STX8: variants seen among roughly 807,000 people sequenced by gnomAD.
The protein encoded by STX8 is syntaxin-8.
In STX8, 23 loss-of-function variants were observed where a neutral mutation model predicts 37.5. The observed-to-expected ratio is 0.61, with a 90% CI of 0.44 to 0.87. The LOEUF is 0.87. STX8 is among the 40% of genes least tolerant of loss of function. The pLI, the probability that STX8 is intolerant of heterozygous loss-of-function variation, is 0.00. For missense variants in STX8, 313 were observed against 284.7 expected (o/e 1.10, Z -0.71); for synonymous variants, 115 against 99.1 (o/e 1.16, Z -0.95).
chr17:9,416,983 C>T (rs561486840), intron 6 of STX8, among the ~76,000 whole-genome samples: 1 of 152,172 alleles, frequency 6.6e-6, no homozygotes, highest in Non-Finnish European at 1.5e-5. Context: ...ACCTGTGACT[C>T]ATGACTCAGC....
intron 7 of STX8, among the ~76,000 whole-genome samples, chr17:9,294,525 G>A (rs539440421): frequency 7.9e-5 from 12 of 152,322 alleles, no homozygotes; most frequent in African/African-American, 2.9e-4. Flanking sequence ...ACACTCTTTA[G>A]AGCAGACAAC....
intron 1 of STX8, chr17:9,569,860 T>C (rs1175454008): frequency 6.6e-6 from 1 of 152,028 alleles, no homozygotes; most frequent in African/African-American, 2.4e-5. Flanking sequence ...GGCAGGAGAA[T>C]CGCTTGAACC....
At chr17:9,504,895 A>C (rs1597713729) in intron 5 of STX8, 143 bp downstream of exon 5, 15 of 715,036 alleles carry the variant, frequency 2.1e-5, no homozygotes, top group Non-Finnish European at 2.7e-5. Context: ...AATCGTTTGA[A>C]CCCGGGAGGT....
chr17:9,457,323 C>T (rs1176831281), intron 6 of STX8, among the ~76,000 whole-genome samples: 1 of 152,208 alleles, frequency 6.6e-6, no homozygotes, highest in African/African-American at 2.4e-5. Flanking sequence ...CATTTCCTTG[C>T]CTTTCCAGCT....
chr17:9,343,795 C>T (rs1039556272), intron 7 of STX8, among the ~76,000 whole-genome samples: 3 of 152,162 alleles, frequency 2.0e-5, no homozygotes, highest in African/African-American at 7.2e-5. Flanking sequence ...TAGGGCCTCC[C>T]TTCTGCTGCG....
intron 6 of STX8, among the ~76,000 whole-genome samples, chr17:9,427,537 C>T (rs1433048200): frequency 2.6e-5 from 4 of 152,184 alleles, no homozygotes; most frequent in Non-Finnish European, 4.4e-5. Flanking sequence ...CTAAATCCCT[C>T]TGTAACTCTG....
intron 3 of STX8, chr17:9,553,633 G>A (rs184185369): frequency 6.6e-6 from 1 of 152,274 alleles, no homozygotes; most frequent in East Asian, 1.9e-4. Flanking sequence ...GGTGATTTAT[G>A]AACAAACATT....
intron 7 of STX8, among the ~76,000 whole-genome samples, chr17:9,298,161 CT>C (rs1908634257): frequency 7.1e-5 from 2 of 28,244 alleles, no homozygotes; most frequent in Non-Finnish European, 1.4e-4. Flanking sequence ...GGAAAGCACA[CT>C]CTGTTTCTGA....
chr17:9,401,054 T>A (rs1220978862), intron 6 of STX8, among the ~76,000 whole-genome samples: 1 of 152,232 alleles, frequency 6.6e-6, no homozygotes, highest in Non-Finnish European at 1.5e-5. Flanking sequence ...TATGTCAGCC[T>A]GAGAAACTTC....
At position 9,434,681 on chromosome 17, in the gene STX8, A is replaced by G. The variant is rs572318954; in HGVS notation, c.542-56028T>C. Among the ~76,000 whole-genome samples, 5 of 152,370 alleles carry G rather than the reference A, an allele frequency of 3.3e-5. No individual in the cohort carries two copies. In the East Asian group the frequency reaches 9.6e-4, roughly 29 times the overall value. ...TCACCCAGGAAAGAATTCAAGGGTG[A>G]GCCAGAGGTGAGCGGCAGTGTGCAG... On this transcript the variant is annotated intron_variant, in intron 6 of 7. Coordinates refer to ENST00000306357, the MANE Select transcript of STX8 (RefSeq NM_004853.3).
chr17:9,293,933 T>C (rs1001205936), intron 7 of STX8, among the ~76,000 whole-genome samples: 1 of 151,624 alleles, frequency 6.6e-6, no homozygotes, highest in Admixed American at 6.6e-5. Context: ...GGCTAATTTT[T>C]TTTTTGTATT....
At chr17:9,293,207 T>A (rs1291424208) in intron 7 of STX8, among the ~76,000 whole-genome samples, 1 of 152,186 alleles carries the variant, frequency 6.6e-6, no homozygotes, top group Non-Finnish European at 1.5e-5. Flanking sequence ...ATGCTATAAT[T>A]CATTTCACCC....
intron 6 of STX8, among the ~76,000 whole-genome samples, chr17:9,396,106 GAAAAGA>G (rs891924375): frequency 4.3e-5 from 6 of 138,340 alleles, no homozygotes; most frequent in South Asian, 2.3e-4. Context: ...AGAAAAGAAA[GAAAAGA>G]AAAGTAACAT....
chr17:9,355,500 A>ATT (rs35363770), intron 7 of STX8, among the ~76,000 whole-genome samples: 26 of 124,420 alleles, frequency 2.1e-4, no homozygotes, highest in Middle Eastern at 4.5e-3. Context: ...ACACCTAGCA[A>ATT]TTTTTTTTTT....
intron 5 of STX8, among the ~76,000 whole-genome samples, chr17:9,501,117 T>C (rs1904594445): frequency 6.6e-6 from 1 of 152,146 alleles, no homozygotes; most frequent in African/African-American, 2.4e-5. Context: ...TGAGACTCAA[T>C]AGTGTTAAAA....
intron 6 of STX8, among the ~76,000 whole-genome samples, chr17:9,450,087 C>T (rs1904986625): frequency 6.6e-6 from 1 of 151,278 alleles, no homozygotes; most frequent in Admixed American, 6.6e-5. Context: ...CTACATGTAA[C>T]TTTTTTTTTG....
chr17:9,543,862 C>T (rs748453688), intron 4 of STX8, among the ~76,000 whole-genome samples: 1 of 152,228 alleles, frequency 6.6e-6, no homozygotes, highest in African/African-American at 2.4e-5. Flanking sequence ...CTTAACATTT[C>T]ATCTACCTTC....
At chr17:9,415,401 A>ATACCT (rs1913151489) in intron 6 of STX8, among the ~76,000 whole-genome samples, 1 of 152,024 alleles carries the variant, frequency 6.6e-6, no homozygotes, top group Admixed American at 6.6e-5. Context: ...AGCCTCAAAT[A>ATACCT]AGGTCCTAGA....
intron 6 of STX8, among the ~76,000 whole-genome samples, chr17:9,489,714 A>C (rs1367766721): frequency 2.1e-5 from 2 of 94,756 alleles, no homozygotes; most frequent in East Asian, 4.3e-4. Context: ...TTTGAGATGG[A>C]TTGTCACTCT....
Sources: allele counts gnomAD v4.1 joint callset (sites outside exome capture counted in the v4.1 genomes callset), GRCh38; gene constraint gnomAD v4.1.1; transcripts MANE v1.5; gene names NCBI Gene and HGNC (gene_info 2026-07-23, HGNC 2026-07-21).